The following B4GALT5 variants were observed in gnomAD, a reference collection of about 807,000 sequenced individuals.
B4GALT5 encodes UDP-Gal:beta-GlcNAc beta-1,4-galactosyltransferase 5.
In B4GALT5, 11 loss-of-function variants were observed where a neutral mutation model predicts 45.0. The observed-to-expected ratio is 0.24, with a 90% CI of 0.15 to 0.40. The LOEUF is 0.40. B4GALT5 is among the 10% of genes least tolerant of loss of function. The pLI, the probability that B4GALT5 is intolerant of heterozygous loss-of-function variation, is 1.00. For synonymous variants in B4GALT5, 185 were observed against 182.9 expected (o/e 1.01, Z -0.09); for missense variants, 337 against 500.2 (o/e 0.67, Z 3.11).
At chr20:49,673,804 A>T (rs537327287) in intron 1 of B4GALT5, among the ~76,000 whole-genome samples, 24 of 152,276 alleles carry the variant, frequency 1.6e-4, no homozygotes, top group Non-Finnish European at 3.1e-4. Flanking sequence ...CAACAATTTA[A>T]CGTGGCTCAG....
In B4GALT5 at chr20:49,635,978, G is replaced by C. The variant is rs1036368731; in HGVS notation, c.*334C>G. On this transcript the variant is annotated 3_prime_UTR_variant, in exon 9 of 9. Coordinates refer to ENST00000371711, the MANE Select transcript of B4GALT5 (RefSeq NM_004776.4). ...GCAGGACCACGGCAGGACCACGGCA[G>C]ATCACAGTTCATCATGGGTTCTGGA... 3.6e-6 allele frequency: 1 copy of C among 274,102 alleles called. No individual in the cohort carries two copies. Among genetic ancestry groups the C allele is most frequent in the Non-Finnish European group, 7.1e-6 (1 of 140,012 alleles). The allele number at this position is 274,102 out of a possible 1,614,324, so 17.0% of individuals were successfully genotyped here. A position where few individuals can be genotyped will look rare whatever the true frequency, so the allele number is the denominator to read the frequency against.
intron 1 of B4GALT5, among the ~76,000 whole-genome samples, chr20:49,685,335 A>G (rs1484126336): frequency 1.3e-5 from 2 of 152,088 alleles, no homozygotes; most frequent in Admixed American, 1.3e-4. Context: ...TCATACCACA[A>G]ACCCAGGGGC....
intron 4 of B4GALT5, 113 bp downstream of exon 4, chr20:49,643,413 A>G: frequency 7.3e-7 from 1 of 1,365,972 alleles, no homozygotes; most frequent in Non-Finnish European, 1.0e-6. Flanking sequence ...TTTGCATGGA[A>G]TGGTAGGATG....
chr20:49,680,339 G>A (rs530726355), intron 1 of B4GALT5, among the ~76,000 whole-genome samples: 6 of 152,158 alleles, frequency 3.9e-5, no homozygotes, highest in Admixed American at 2.0e-4. Flanking sequence ...AATAAGACTC[G>A]ATATTAGAGG....
chr20:49,712,369 C>A (rs2085916746), intron 1 of B4GALT5, among the ~76,000 whole-genome samples: 2 of 151,946 alleles, frequency 1.3e-5, no homozygotes, highest in Admixed American at 6.6e-5. Context: ...ACCTCTGTGT[C>A]CTCCGCTCTT....
chr20:49,653,757 C>T (rs1031197354), intron 2 of B4GALT5, among the ~76,000 whole-genome samples: 2 of 152,240 alleles, frequency 1.3e-5, no homozygotes, highest in East Asian at 1.9e-4. Context: ...GAAATAAACA[C>T]GTTTAACAAA....
chr20:49,709,554 T>G (rs1445065697), intron 1 of B4GALT5, among the ~76,000 whole-genome samples: 1 of 152,106 alleles, frequency 6.6e-6, no homozygotes, highest in Non-Finnish European at 1.5e-5. Flanking sequence ...GGTGGATCAC[T>G]TGAGGTCGGG....
intron 1 of B4GALT5, among the ~76,000 whole-genome samples, chr20:49,664,240 T>C (rs560293032): frequency 2.0e-5 from 3 of 151,528 alleles, no homozygotes; most frequent in Admixed American, 1.3e-4. Flanking sequence ...CCCTTAAGAG[T>C]TGGGATCTCA....
intron 3 of B4GALT5, among the ~76,000 whole-genome samples, chr20:49,645,568 G>T (rs909289669): frequency 6.6e-6 from 1 of 152,014 alleles, no homozygotes; most frequent in Non-Finnish European, 1.5e-5. Flanking sequence ...GGCCAACATG[G>T]TGAATTCCCA....
chr20:49,674,672 C>T (rs903544727), intron 1 of B4GALT5, among the ~76,000 whole-genome samples: 6 of 149,844 alleles, frequency 4.0e-5, no homozygotes, highest in South Asian at 4.2e-4. Flanking sequence ...GGAAACATAG[C>T]GAGACCCCAT....
intron 1 of B4GALT5, among the ~76,000 whole-genome samples, chr20:49,657,046 T>C (rs553938450): frequency 6.6e-6 from 1 of 152,326 alleles, no homozygotes; most frequent in East Asian, 1.9e-4. Flanking sequence ...AAAACTTTTT[T>C]TTTTTAAAGG....
chr20:49,695,172 G>A (rs1029985810), intron 1 of B4GALT5, among the ~76,000 whole-genome samples: 15 of 146,992 alleles, frequency 1.0e-4, no homozygotes, highest in African/African-American at 3.3e-4. Context: ...TAATCTCTAT[G>A]GCTTTTATTG....
intron 1 of B4GALT5, chr20:49,684,604 T>C (rs759770357): frequency 1.9e-5 from 10 of 517,648 alleles, no homozygotes; most frequent in South Asian, 1.4e-4. Context: ...AGGCCACATA[T>C]CAAGGACATA....
At chr20:49,657,546 C>T (rs1418189715) in intron 1 of B4GALT5, among the ~76,000 whole-genome samples, 1 of 152,202 alleles carries the variant, frequency 6.6e-6, no homozygotes, top group Non-Finnish European at 1.5e-5. Context: ...GATTGTAAAA[C>T]ATAGTTTCTT....
rs1984430146 is a variant in B4GALT5 at position 49,633,493 on chromosome 20, G to C, written c.*2819C>G. The C allele has an allele frequency of 6.6e-6, 1 of 150,540 alleles. No individual in the cohort carries two copies. The highest frequency in any genetic ancestry group is 6.6e-5 in the Admixed American group (1 of 15,110). The allele number at this position is 150,540 out of a possible 1,614,324, so 9.3% of individuals were successfully genotyped here. A position where few individuals can be genotyped will look rare whatever the true frequency, so the allele number is the denominator to read the frequency against. ...CTATTAACAGCACACGGGCCTGGCT[G>C]TACGTTTTTAACTATGACATTTCCC... On this transcript the variant is annotated 3_prime_UTR_variant, in exon 9 of 9. Transcript: ENST00000371711.
chr20:49,709,336 G>C (rs1325570959), intron 1 of B4GALT5, among the ~76,000 whole-genome samples: 3 of 151,956 alleles, frequency 2.0e-5, no homozygotes, highest in African/African-American at 4.8e-5. Context: ...TGAAGAGAAG[G>C]GACATCACAT....
intron 1 of B4GALT5, among the ~76,000 whole-genome samples, chr20:49,710,418 T>TTTG (rs1555815354): frequency 4.9e-4 from 73 of 148,560 alleles, no homozygotes; most frequent in Middle Eastern, 6.9e-3. Context: ...TTTTTTTTTT[T>TTTG]TGTGTGTGTG....
At chr20:49,653,667 G>A (rs2085631101) in intron 2 of B4GALT5, among the ~76,000 whole-genome samples, 1 of 152,162 alleles carries the variant, frequency 6.6e-6, no homozygotes, top group African/African-American at 2.4e-5. Context: ...TCTTGTGAGG[G>A]ACTACATGAA....
intron 1 of B4GALT5, among the ~76,000 whole-genome samples, chr20:49,657,927 T>TA (rs1436274760): frequency 6.6e-6 from 1 of 152,156 alleles, no homozygotes; most frequent in Non-Finnish European, 1.5e-5. Context: ...TGGGGTGGGT[T>TA]AGCATAATGT....
Sources: allele counts gnomAD v4.1 joint callset (sites outside exome capture counted in the v4.1 genomes callset), GRCh38; gene constraint gnomAD v4.1.1; transcripts MANE v1.5; gene names NCBI Gene and HGNC (gene_info 2026-07-23, HGNC 2026-07-21).